PLEKHA8: variants seen among roughly 807,000 people sequenced by gnomAD.
The protein encoded by PLEKHA8 is pleckstrin homology domain containing A8, also known as pleckstrin homology domain-containing family A member 8.
A neutral mutation model predicts 68.2 loss-of-function variants in PLEKHA8; 36 were observed. The ratio of observed to expected loss-of-function variants is 0.53; its 90% confidence interval spans 0.40 to 0.70. The LOEUF is 0.70. PLEKHA8 is among the 30% of genes least tolerant of loss of function. The probability of loss-of-function intolerance (pLI) is 0.00; values close to 1 mark genes in which losing one functional copy is unlikely to be tolerated. For missense variants in PLEKHA8, 505 were observed against 615.4 expected, an observed-to-expected ratio of 0.82 and a Z score of 1.90; for synonymous variants, 211 against 216.1, an observed-to-expected ratio of 0.98 and a Z score of 0.20.
chr7:30,056,303 T>TCC (rs1364677875), intron 9 of PLEKHA8, among the ~76,000 whole-genome samples: 2 of 95,548 alleles, frequency 2.1e-5, no homozygotes, highest in African/African-American at 7.2e-5. Context: ...TCTCTCTCTC[T>TCC]CTCTCTCTCT....
chr7:30,107,898 A>T (rs1039725932), intron 13 of PLEKHA8, among the ~76,000 whole-genome samples: 1 of 151,898 alleles, frequency 6.6e-6, no homozygotes, highest in Admixed American at 6.6e-5. Context: ...GAGAAATCCC[A>T]TCTCTCCTAA....
At chr7:30,053,601 A>G (rs528190098) in intron 7 of PLEKHA8, among the ~76,000 whole-genome samples, 1 of 152,176 alleles carries the variant, frequency 6.6e-6, no homozygotes, top group Non-Finnish European at 1.5e-5. Context: ...TCTCTTGGGT[A>G]AATAATAAAG....
intron 13 of PLEKHA8, among the ~76,000 whole-genome samples, chr7:30,105,817 A>G (rs1004062989): frequency 4.6e-5 from 7 of 152,064 alleles, no homozygotes; most frequent in African/African-American, 1.7e-4. Flanking sequence ...TCAACTATAG[A>G]TACATTGGTT....
intron 9 of PLEKHA8, among the ~76,000 whole-genome samples, chr7:30,055,544 A>C (rs112454757): frequency 1.3e-5 from 2 of 152,256 alleles, no homozygotes; most frequent in Admixed American, 6.5e-5. Context: ...TAATGATTAA[A>C]TATTGACCTC....
intron 12 of PLEKHA8, chr7:30,072,048 G>A (rs1794269232): frequency 6.6e-6 from 1 of 152,150 alleles, no homozygotes; most frequent in South Asian, 2.1e-4. Context: ...TTCTTACAGG[G>A]AATCACCTAC....
chr7:30,060,451 A>C (rs1335920223), intron 9 of PLEKHA8, among the ~76,000 whole-genome samples: 1 of 145,832 alleles, frequency 6.9e-6, no homozygotes, highest in South Asian at 2.2e-4. Context: ...AAAAACAAAC[A>C]AACCGAAAGA....
intron 13 of PLEKHA8, among the ~76,000 whole-genome samples, chr7:30,109,931 C>G (rs1796215040): frequency 6.6e-6 from 1 of 151,978 alleles, no homozygotes; most frequent in South Asian, 2.1e-4. Flanking sequence ...CCAGTTTTTT[C>G]ACTAATAACT....
chr7:30,067,368 C>T (rs559066840), intron 12 of PLEKHA8, among the ~76,000 whole-genome samples: 1 of 152,128 alleles, frequency 6.6e-6, no homozygotes, highest in African/African-American at 2.4e-5. Flanking sequence ...TACTTGGGGG[C>T]CTGAGGTGGG....
At chr7:30,031,276 T>C (rs1260756675) in intron 1 of PLEKHA8, among the ~76,000 whole-genome samples, 1 of 152,114 alleles carries the variant, frequency 6.6e-6, no homozygotes, top group Middle Eastern at 3.2e-3. Flanking sequence ...GTGTGATTGA[T>C]TGGGGAGGAG....
chr7:30,059,471 C>T (rs1279773845), intron 9 of PLEKHA8, among the ~76,000 whole-genome samples: 1 of 151,990 alleles, frequency 6.6e-6, no homozygotes, highest in Non-Finnish European at 1.5e-5. Context: ...GAATTTCATT[C>T]ATTATCTTGG....
At chr7:30,058,191 T>A (rs1793143549) in intron 9 of PLEKHA8, among the ~76,000 whole-genome samples, 2 of 152,166 alleles carry the variant, frequency 1.3e-5, no homozygotes, top group Admixed American at 6.5e-5. Context: ...TCTTTATATA[T>A]TCTTAATTAA....
intron 2 of PLEKHA8, 30 bp downstream of exon 2, chr7:30,045,231 T>C: frequency 6.5e-7 from 1 of 1,528,812 alleles, no homozygotes; most frequent in Non-Finnish European, 9.0e-7. Context: ...GCAAGTTTTA[T>C]TTTTCTTTCT....
rs1435381471 is a variant in PLEKHA8, at chr7:30,082,797, GA to G, written c.*4013del. On this transcript the variant is annotated 3_prime_UTR_variant, in exon 14 of 14. Transcript: ENST00000449726. ...TGATTGTGAAAATCATACATATGGA[GA>G]AACATCAGATCAGGCAATAGAGTCA... 3 of 985,276 alleles carry G rather than the reference GA, an allele frequency of 3.0e-6. No homozygotes were observed. The highest frequency in any genetic ancestry group is 3.6e-6 in the Non-Finnish European group (3 of 829,868). The allele number at this position is 985,276 out of a possible 1,614,324, so 61.0% of individuals were successfully genotyped here. A position where few individuals can be genotyped will look rare whatever the true frequency, so the allele number is the denominator to read the frequency against.
In PLEKHA8 at chr7:30,079,377, G is replaced by A; in HGVS notation, c.*590G>A. 4 of 986,016 alleles carry A rather than the reference G, an allele frequency of 4.1e-6. No homozygotes were observed. Among genetic ancestry groups the A allele is most frequent in the Non-Finnish European group, 3.6e-6 (3 of 830,424 alleles). 61.1% of individuals were successfully genotyped at this position (986,016 alleles called of 1,614,324 possible). On this transcript the variant is annotated 3_prime_UTR_variant, in exon 14 of 14. Transcript: ENST00000449726. ...GTGGGAGGCGAAGAAGACGTGGACA[G>A]GAGTCCCATCCTTGCTGACAGGCAT...
At position 30,083,224 on chromosome 7, in the gene PLEKHA8, T is replaced by G; in HGVS notation, c.*4437T>G. ...CATTATGTATGGTAAATTTGTATTC[T>G]TATGGATTGTATATAGAATGCTTTC... is the stretch of plus-strand genomic sequence containing the variant. On this transcript the variant is annotated 3_prime_UTR_variant, in exon 14 of 14. Transcript: ENST00000449726. 1.0e-6 allele frequency: 1 copy of G among 983,138 alleles called. No individual in the cohort carries two copies. Among genetic ancestry groups the G allele is most frequent in the South Asian group, 4.7e-5 (1 of 21,246 alleles). The allele number at this position is 983,138 out of a possible 1,614,324, so 60.9% of individuals were successfully genotyped here. A position where few individuals can be genotyped will look rare whatever the true frequency, so the allele number is the denominator to read the frequency against.
At chr7:30,072,450 A>G (rs1239994201) in intron 12 of PLEKHA8, among the ~76,000 whole-genome samples, 2 of 152,268 alleles carry the variant, frequency 1.3e-5, no homozygotes, top group African/African-American at 4.8e-5. Context: ...TTTAAAATAA[A>G]GTTGACTAGA....
chr7:30,119,255 T>C (rs1402519959), intron 13 of PLEKHA8, among the ~76,000 whole-genome samples: 1 of 152,232 alleles, frequency 6.6e-6, no homozygotes, highest in African/African-American at 2.4e-5. Context: ...AATTAACATG[T>C]ATTGACTTCT....
intron 6 of PLEKHA8, among the ~76,000 whole-genome samples, chr7:30,051,780 C>T (rs1792429863): frequency 6.6e-6 from 1 of 152,130 alleles, no homozygotes; most frequent in Non-Finnish European, 1.5e-5. Flanking sequence ...TCAAGACCAG[C>T]CTGGCCAACC....
chr7:30,128,019 T>C (rs1014709634), intron 13 of PLEKHA8, among the ~76,000 whole-genome samples: 9 of 152,156 alleles, frequency 5.9e-5, no homozygotes, highest in Non-Finnish European at 1.0e-4. Flanking sequence ...TATTTTCCCA[T>C]TTCTTTGCTT....
Sources: allele counts gnomAD v4.1 joint callset (sites outside exome capture counted in the v4.1 genomes callset), GRCh38; gene constraint gnomAD v4.1.1; transcripts MANE v1.5; gene names NCBI Gene and HGNC (gene_info 2026-07-23, HGNC 2026-07-21).